The following EPN3 variants were observed in gnomAD, a reference collection of about 807,000 sequenced individuals.
The protein encoded by EPN3 is epsin-3.
A neutral mutation model predicts 55.5 loss-of-function variants in EPN3; 56 were observed. That is an observed-to-expected ratio of 1.01 (90% CI 0.81 to 1.26). EPN3 has a LOEUF of 1.26. Ranked by LOEUF, EPN3 falls within the 50% of genes most tolerant of loss-of-function variation. The probability of loss-of-function intolerance (pLI) is 0.00; values close to 1 mark genes in which losing one functional copy is unlikely to be tolerated. For synonymous variants in EPN3, 449 were observed against 375.2 expected (o/e 1.20, Z -2.27); for missense variants, 927 against 853.4 (o/e 1.09, Z -1.07).
chr17:50,541,543 A>G lies in EPN3; in HGVS notation c.1434A>G (p.Ile478Met). The change falls in exon 9 of 10, where the codon ATA becomes ATG. Residue 478 changes from isoleucine to methionine, a missense_variant. Physicochemically the swap from Ile to Met is conservative, Grantham distance 10. Transcript: ENST00000268933. ...TKEPDALDLG[I>M]LGEALTQPSK... ...AGCCAGATGCCCTGGACCTGGGCAT[A>G]CTAGGGGAAGCACTAACCCAGCCAA... 6.2e-7 allele frequency: 1 copy of G among 1,614,162 alleles called. No individual in the cohort carries two copies. The highest frequency in any genetic ancestry group is 8.5e-7 in the Non-Finnish European group (1 of 1,180,022).
intron 3 of EPN3, chr17:50,538,467 G>C (rs890507899): frequency 3.9e-6 from 2 of 512,216 alleles, no homozygotes; most frequent in Admixed American, 3.5e-5. Flanking sequence ...CCTCATGGTG[G>C]AGTGGGTGAG....
Position 50,536,421 on chromosome 17 carries a change from C to A in EPN3, c.-136C>A. 2 of 1,509,560 alleles carry A rather than the reference C, an allele frequency of 1.3e-6. No homozygotes were observed. The highest frequency in any genetic ancestry group is 2.6e-5 in the South Asian group (2 of 76,822). 93.5% of individuals were successfully genotyped at this position (1,509,560 alleles called of 1,614,324 possible). A position where few individuals can be genotyped will look rare whatever the true frequency, so the allele number is the denominator to read the frequency against. ...GAGTTCCTGGCCCTCTCTTCCTCAG[C>A]CCCATGTGGAACCCAAGGATGCAGC... On this transcript the variant is annotated splice_region_variant and 5_prime_UTR_variant, in exon 2 of 10. Coordinates refer to ENST00000268933, the MANE Select transcript of EPN3 (RefSeq NM_017957.3).
chr17:50,537,109 T>C lies in EPN3; in HGVS notation c.553T>C (p.Ser185Pro). 1 of 1,599,662 alleles carries C rather than the reference T, an allele frequency of 6.3e-7. No homozygotes were observed. The highest frequency in any genetic ancestry group is 8.5e-7 in the Non-Finnish European group (1 of 1,174,396). ...DYSRSRGSPS[S>P]YNSSSSSPRY... ...CAGCCGCTCCCGGGGCTCCCCGTCCTCCTACAACTGTGAGTAAGCCCCGGT... is the reference window on the plus strand; with the variant it reads ...CAGCCGCTCCCGGGGCTCCCCGTCCCCCTACAACTGTGAGTAAGCCCCGGT... The change falls in exon 2 of 10, where the codon TCC becomes CCC. Residue 185 changes from serine (S) to proline (P), a missense_variant. Ser to Pro is a moderately conservative substitution (Grantham distance 74). Coordinates refer to ENST00000268933, the MANE Select transcript of EPN3 (RefSeq NM_017957.3).
At chr17:50,534,502 T>C (rs2034729859) in intron 1 of EPN3, 2 of 985,376 alleles carry the variant, frequency 2.0e-6, no homozygotes, top group South Asian at 9.4e-5. Flanking sequence ...ATTTCCCATC[T>C]TGACTCTGCC....
At position 50,542,233 on chromosome 17, in the gene EPN3, G is replaced by C; in HGVS notation, c.*76G>C. ...CCCGCCTCCGGACCCGGGGCTGGGCGGGGCGCCGGTGCTAGTGGAACGCCG... is the reference window on the plus strand; with the variant it reads ...CCCGCCTCCGGACCCGGGGCTGGGCCGGGCGCCGGTGCTAGTGGAACGCCG... On this transcript the variant is annotated 3_prime_UTR_variant, in exon 10 of 10. Coordinates refer to ENST00000268933, the MANE Select transcript of EPN3 (RefSeq NM_017957.3). 1 of 1,380,612 alleles carries C rather than the reference G, an allele frequency of 7.2e-7. No homozygotes were observed. Among genetic ancestry groups the C allele is most frequent in the Non-Finnish European group, 9.3e-7 (1 of 1,073,558 alleles). 85.5% of individuals were successfully genotyped at this position (1,380,612 alleles called of 1,614,324 possible). A position where few individuals can be genotyped will look rare whatever the true frequency, so the allele number is the denominator to read the frequency against.
In EPN3 at chr17:50,532,931, G is replaced by A. The variant is rs1394934773; in HGVS notation, c.-191G>A. 5 of 1,286,052 alleles carry A rather than the reference G, an allele frequency of 3.9e-6. No homozygotes were observed. In the African/African-American group the frequency reaches 7.6e-5, roughly 20 times the overall value. The allele number at this position is 1,286,052 out of a possible 1,614,324, so 79.7% of individuals were successfully genotyped here. A position where few individuals can be genotyped will look rare whatever the true frequency, so the allele number is the denominator to read the frequency against. On this transcript the variant is annotated 5_prime_UTR_variant, in exon 1 of 10. Coordinates refer to ENST00000268933, the MANE Select transcript of EPN3 (RefSeq NM_017957.3). ...GTCCCGCTGCTGCACAGGTCGGAGG[G>A]TCACCGCAGAGGCTACTCGGGCTGG... is the stretch of plus-strand genomic sequence containing the variant.
At chr17:50,539,619 G>C (rs193161406) in intron 5 of EPN3, among the ~76,000 whole-genome samples, 87 of 152,330 alleles carry the variant, frequency 5.7e-4, no homozygotes, top group Non-Finnish European at 8.8e-5. Flanking sequence ...CTTCTGCACA[G>C]TGTGCTTATT....
At chr17:50,536,278 T>A in intron 1 of EPN3, 143 bp from the exon 2 acceptor site, 1 of 541,634 alleles carries the variant, frequency 1.8e-6, no homozygotes, top group East Asian at 3.7e-5. Context: ...CCTGCTGAAT[T>A]GTAAGTGAAA....
At position 50,539,214 on chromosome 17, in the gene EPN3, T is replaced by C; in HGVS notation, c.790T>C (p.Ser264Pro). ...KEVRSWQGDGSPMANGAGAVV... is the reference protein window; with the variant it reads ...KEVRSWQGDGPPMANGAGAVV... ...GGTGAGGTCCTGGCAGGGTGATGGCTCCCCCATGGCCAATGGTGCAGGGGC... is the reference window on the plus strand; with the variant it reads ...GGTGAGGTCCTGGCAGGGTGATGGCCCCCCCATGGCCAATGGTGCAGGGGC... The change falls in exon 5 of 10, where the codon TCC becomes CCC. Residue 264 changes from serine (S) to proline (P), a missense_variant. Ser to Pro is a moderately conservative substitution (Grantham distance 74, BLOSUM62 -1). Coordinates refer to ENST00000268933, the MANE Select transcript of EPN3 (RefSeq NM_017957.3). The C allele has an allele frequency of 6.2e-7, 1 of 1,613,932 alleles. No homozygotes were observed. Among genetic ancestry groups the C allele is most frequent in the Non-Finnish European group, 8.5e-7 (1 of 1,179,968 alleles).
At chr17:50,539,043 C>A in intron 4 of EPN3, 79 bp downstream of exon 4, 1 of 1,529,120 alleles carries the variant, frequency 6.5e-7, no homozygotes, top group East Asian at 2.3e-5. Context: ...ACAGCCTCCT[C>A]CCGCTGTACC....
At chr17:50,537,270 G>A (rs182317192) in intron 2 of EPN3, 152 bp downstream of exon 2, 7 of 768,892 alleles carry the variant, frequency 9.1e-6, no homozygotes, top group East Asian at 8.1e-5. Context: ...CGCAACACCC[G>A]GCACATAGGA....
chr17:50,538,891 C>T lies in EPN3; in HGVS notation c.689C>T (p.Pro230Leu). 1.2e-6 allele frequency: 2 copies of T among 1,604,550 alleles called. No homozygotes were observed. The highest frequency in any genetic ancestry group is 1.7e-6 in the Non-Finnish European group (2 of 1,174,270). The change falls in exon 4 of 10, where the codon CCC becomes CTC. Residue 230 changes from proline to leucine, a missense_variant. Physicochemically the swap from Pro to Leu is moderately conservative, Grantham distance 98. Transcript: ENST00000268933. ...MSREEAEKPV[P>L]PASHRDEDLQ... ...CCCTCTCTTCCTCCGCAGCCTGTCC[C>T]CCCAGCCTCCCACAGGGACGAGGAC... is the stretch of plus-strand genomic sequence containing the variant.
Position 50,541,602 on chromosome 17 carries a change from C to T in EPN3, c.1493C>T (p.Ser498Phe), listed in dbSNP as rs1224129878. 2 of 1,614,188 alleles carry T rather than the reference C, an allele frequency of 1.2e-6. No homozygotes were observed. Among genetic ancestry groups the T allele is most frequent in the East Asian group, 2.2e-5 (1 of 44,882 alleles). Reference sequence around the variant, plus strand: ...GCCCGAGCTTGCCGGACTCCCGAGTCCTTCCTGGGTCCCTCAGCTTCCTCC... The same window carrying T: ...GCCCGAGCTTGCCGGACTCCCGAGTTCTTCCTGGGTCCCTCAGCTTCCTCC... ...KEARACRTPE[S>F]FLGPSASSLV... The change falls in exon 9 of 10, where the codon TCC becomes TTC. Residue 498 changes from serine (S) to phenylalanine (F), a missense_variant. Physicochemically the swap from Ser to Phe is radical, Grantham distance 155. Coordinates refer to ENST00000268933, the MANE Select transcript of EPN3 (RefSeq NM_017957.3).
chr17:50,533,068 CT>C, intron 1 of EPN3, 83 bp downstream of exon 1: 1 of 876,898 alleles, frequency 1.1e-6, no homozygotes, highest in Non-Finnish European at 1.6e-6. Flanking sequence ...GGTTCTGGGG[CT>C]TAGTCTCTTT....
intron 2 of EPN3, chr17:50,537,448 TCA>T (rs2034781478): frequency 2.6e-6 from 1 of 386,272 alleles, no homozygotes; most frequent in Non-Finnish European, 4.8e-6. Flanking sequence ...TCTCTGAACC[TCA>T]GTTTCCTCAT....
chr17:50,541,913 T>C lies in EPN3; in HGVS notation c.1655T>C (p.Met552Thr), dbSNP rs145267208. The change falls in exon 10 of 10, where the codon ATG (methionine) becomes ACG (threonine). Residue 552 changes from methionine to threonine, a missense_variant. Physicochemically the swap from Met to Thr is moderately conservative, Grantham distance 81. Transcript: ENST00000268933. ...GEPGRPTLNQ[M>T]RTGSPALGLA... ...CCGGGCAGGCCGACGCTAAACCAGA[T>C]GCGCACCGGCTCGCCGGCGCTGGGC... is the stretch of plus-strand genomic sequence containing the variant. 7,575 of 1,603,160 alleles carry C rather than the reference T, an allele frequency of 4.7e-3. 26 individuals are homozygous for C. The highest frequency in any genetic ancestry group is 5.4e-3 in the Non-Finnish European group (6,396 of 1,179,140).
chr17:50,541,053 G>A lies in EPN3; in HGVS notation c.1240G>A (p.Asp414Asn), dbSNP rs771770933. Residue 414 changes from aspartate to asparagine, a missense_variant, in exon 7 of 10, where the codon GAC becomes AAC. By Grantham distance (23) the Asp-to-Asn change is conservative. Coordinates refer to ENST00000268933, the MANE Select transcript of EPN3 (RefSeq NM_017957.3). ...DPWGASLETS[D>N]TPGGASTFDP... ...TTGGGGAGCCTCCCTGGAGACCTCC[G>A]ACACACCTGGTAAGAAGAGGGCCAG... is the stretch of plus-strand genomic sequence containing the variant. 21 of 1,577,652 alleles carry A rather than the reference G, an allele frequency of 1.3e-5. No individual in the cohort carries two copies. The highest frequency in any genetic ancestry group is 1.7e-4 in the Middle Eastern group (1 of 5,910).
Position 50,541,477 on chromosome 17 carries a change from T to G in EPN3, c.1368T>G (p.Phe456Leu). The G allele has an allele frequency of 6.2e-7, 1 of 1,614,048 alleles. No individual in the cohort carries two copies. ...KPSSPVELDL[F>L]GDPSPSSKQN... ...TTTCTATTCCAGAGCTGGACCTGTTTGGAGACCCCAGCCCCAGTTCCAAGC... is the reference window on the plus strand; with the variant it reads ...TTTCTATTCCAGAGCTGGACCTGTTGGGAGACCCCAGCCCCAGTTCCAAGC... Residue 456 changes from phenylalanine to leucine, a missense_variant, in exon 9 of 10, where the codon TTT (phenylalanine) becomes TTG (leucine). By Grantham distance (22) the Phe-to-Leu change is conservative (BLOSUM62 0). Transcript: ENST00000268933.
At chr17:50,534,770 C>A in intron 1 of EPN3, 1 of 544,370 alleles carries the variant, frequency 1.8e-6, no homozygotes, top group Non-Finnish European at 2.3e-6. Context: ...CTGCTTTGAA[C>A]TGAGCCCAGC....
Sources: gnomAD v4.1 joint callset for allele counts (sites outside exome capture counted in the v4.1 genomes callset) on GRCh38, gnomAD v4.1.1 for gene constraint, MANE v1.5 for transcripts, NCBI Gene and HGNC (gene_info 2026-07-23, HGNC 2026-07-21) for gene names.